Variants in ABTB2 observed in about 807,000 individuals in gnomAD.
ABTB2 encodes ankyrin repeat and BTB/POZ domain-containing protein 2.
ABTB2 carries 56 observed loss-of-function variants against 104.1 expected under a neutral mutation model. That is an observed-to-expected ratio of 0.54 (90% CI 0.43 to 0.67). ABTB2 has a LOEUF of 0.67. ABTB2 is among the 30% of genes least tolerant of loss of function. The probability of loss-of-function intolerance (pLI) is 0.00; values close to 1 mark genes in which losing one functional copy is unlikely to be tolerated. For missense variants in ABTB2, 1,279 were observed against 1,407.7 expected (o/e 0.91, Z 1.46); for synonymous variants, 606 against 608.2 (o/e 1.00, Z 0.05).
rs1199024990 is a variant in ABTB2, at chr11:34,204,704, A to G, written c.884-14T>C. On this transcript the variant is annotated splice_polypyrimidine_tract_variant and intron_variant, in intron 1 of 16. Coordinates refer to ENST00000435224, the MANE Select transcript of ABTB2 (RefSeq NM_145804.3). ...GGGAGAGGACACCTATGGGGAAAGA[A>G]GGCAGACAGGTCACACTTAGGAAGG... 6.2e-7 allele frequency: 1 copy of G among 1,608,414 alleles called. No individual in the cohort carries two copies. The highest frequency in any genetic ancestry group is 1.1e-5 in the South Asian group (1 of 89,996).
chr11:34,163,279 C>T (rs778203375), intron 9 of ABTB2, among the ~76,000 whole-genome samples: 59 of 152,294 alleles, frequency 3.9e-4, no homozygotes, highest in Admixed American at 3.2e-3. Context: ...GTCTAAAACA[C>T]AGGAAGAGCC....
At chr11:34,200,736 C>T (rs919734089) in intron 2 of ABTB2, among the ~76,000 whole-genome samples, 1 of 152,156 alleles carries the variant, frequency 6.6e-6, no homozygotes, top group Admixed American at 6.6e-5. Flanking sequence ...AGCAAGCTTG[C>T]AAGAGTTAAA....
At position 34,154,306 on chromosome 11, in the gene ABTB2, G is replaced by A. The variant is rs1852589553; in HGVS notation, c.2839C>T (p.Leu947Phe). The part of the protein sequence containing the change: ...RHCEILCSQT[L>F]SMESAVNTYK... ...GTGTTCACGGCACTCTCCATGCTGA[G>A]GGTCTGGGAGCACAGGATCTCGCAG... The change falls in exon 16 of 17, where the codon CTC (leucine) becomes TTC (phenylalanine). Residue 947 changes from leucine (L) to phenylalanine (F), a missense_variant. By Grantham distance (22) the Leu-to-Phe change is conservative. Coordinates refer to ENST00000435224, the MANE Select transcript of ABTB2 (RefSeq NM_145804.3). The surrounding 1 kb of genome is among the most constrained non-coding windows in gnomAD (Gnocchi z 4.9). 6.2e-7 allele frequency: 1 copy of A among 1,614,104 alleles called. No homozygotes were observed. The highest frequency in any genetic ancestry group is 8.5e-7 in the Non-Finnish European group (1 of 1,180,016).
intron 14 of ABTB2, among the ~76,000 whole-genome samples, chr11:34,156,411 T>C (rs1463117370): frequency 6.6e-6 from 1 of 151,966 alleles, no homozygotes; most frequent in Non-Finnish European, 1.5e-5. Context: ...GGACCACCTG[T>C]AGAAGGGCAG....
At chr11:34,181,245 C>T (rs1853021984) in intron 3 of ABTB2, among the ~76,000 whole-genome samples, 2 of 127,394 alleles carry the variant, frequency 1.6e-5, no homozygotes, top group South Asian at 4.7e-4. Flanking sequence ...GGAAAACAAA[C>T]AAACAAACAA....
chr11:34,232,142 T>C (rs1360392600), intron 1 of ABTB2, among the ~76,000 whole-genome samples: 4 of 152,166 alleles, frequency 2.6e-5, no homozygotes, highest in Non-Finnish European at 4.4e-5. Flanking sequence ...CTTGCGACTT[T>C]CATGTAAATC....
chr11:34,167,783 G>T, intron 6 of ABTB2, 120 bp downstream of exon 6: 2 of 1,053,850 alleles, frequency 1.9e-6, no homozygotes, highest in South Asian at 1.4e-5. Flanking sequence ...TTGTCTTTCC[G>T]GTCTTTTGAC....
chr11:34,162,694 G>A lies in ABTB2; in HGVS notation c.2100C>T (p.Gly700=), dbSNP rs760416642. The A allele has an allele frequency of 1.2e-6, 2 of 1,612,870 alleles. No individual in the cohort carries two copies. Among genetic ancestry groups the A allele is most frequent in the Middle Eastern group, 1.6e-4 (1 of 6,062 alleles). ...GVEESDASSQ[G]SGSEGPVRLS... ...GCCGCACGGGCCCCTCGCTGCCACT[G>A]CCCTGGCTCGACGCATCACTTTCCT... The change falls in exon 10 of 17, where the codon GGC becomes GGT. Residue 700 remains glycine, a synonymous_variant. Transcript: ENST00000435224.
chr11:34,272,733 C>CAAAAAAAAAAAAAA (rs1323130706), intron 1 of ABTB2, among the ~76,000 whole-genome samples: 2 of 127,648 alleles, frequency 1.6e-5, no homozygotes, highest in African/African-American at 6.0e-5. Context: ...AAAAAAAAAC[C>CAAAAAAAAAAAAAA]AACCAACCAT....
intron 1 of ABTB2, among the ~76,000 whole-genome samples, chr11:34,344,793 C>T (rs142787791): frequency 8.5e-5 from 13 of 152,312 alleles, no homozygotes; most frequent in African/African-American, 2.6e-4. Flanking sequence ...TCACTGTGCC[C>T]GGCCCAACCT....
chr11:34,157,313 G>T (rs1852642195), intron 14 of ABTB2, among the ~76,000 whole-genome samples: 1 of 152,214 alleles, frequency 6.6e-6, no homozygotes, highest in Admixed American at 6.5e-5. Context: ...AGAGGCCCAG[G>T]GGAAGGCATG....
At chr11:34,181,940 A>T (rs1258608307) in intron 3 of ABTB2, among the ~76,000 whole-genome samples, 2 of 152,208 alleles carry the variant, frequency 1.3e-5, no homozygotes, top group African/African-American at 2.4e-5. Context: ...ATGGGGTCAC[A>T]TCCCCCTGGA....
chr11:34,270,604 T>C (rs899940708), intron 1 of ABTB2, among the ~76,000 whole-genome samples: 5 of 152,202 alleles, frequency 3.3e-5, no homozygotes, highest in African/African-American at 1.2e-4. Flanking sequence ...CCTCCCAAAG[T>C]GCTGGGATTA....
intron 3 of ABTB2, among the ~76,000 whole-genome samples, chr11:34,194,280 CCAAA>C (rs1853219187): frequency 1.3e-5 from 2 of 152,296 alleles, no homozygotes; most frequent in Non-Finnish European, 1.5e-5. Context: ...CCACCAATCC[CCAAA>C]CAGACAGTCT....
intron 1 of ABTB2, among the ~76,000 whole-genome samples, chr11:34,251,591 A>C (rs1854058317): frequency 6.6e-6 from 1 of 152,238 alleles, no homozygotes; most frequent in African/African-American, 2.4e-5. Context: ...ATAAGAGAGT[A>C]CATGGAGGGT....
At chr11:34,153,030 G>GAGAC (rs951800033) in intron 16 of ABTB2, among the ~76,000 whole-genome samples, 36 of 152,076 alleles carry the variant, frequency 2.4e-4, no homozygotes, top group African/African-American at 8.2e-4. Flanking sequence ...TAGTTTGGGA[G>GAGAC]AGACAGACAG....
At chr11:34,333,877 T>C (rs1033399242) in intron 1 of ABTB2, among the ~76,000 whole-genome samples, 2 of 152,136 alleles carry the variant, frequency 1.3e-5, no homozygotes, top group Non-Finnish European at 1.5e-5. Flanking sequence ...CTTGTCTCCT[T>C]TACTCTGTCA....
At chr11:34,327,935 G>A (rs1413120386) in intron 1 of ABTB2, among the ~76,000 whole-genome samples, 1 of 152,120 alleles carries the variant, frequency 6.6e-6, no homozygotes, top group Non-Finnish European at 1.5e-5. Flanking sequence ...CCAACTCCTC[G>A]CTGGCTGTTT....
chr11:34,257,580 C>T (rs764143549), intron 1 of ABTB2, among the ~76,000 whole-genome samples: 3 of 152,086 alleles, frequency 2.0e-5, no homozygotes, highest in Admixed American at 6.6e-5. Context: ...GCAGCTAATA[C>T]GACTGAGGAG....
Sources: gnomAD v4.1 joint callset for allele counts (sites outside exome capture counted in the v4.1 genomes callset) on GRCh38, gnomAD v4.1.1 for gene constraint, Gnocchi (gnomAD v3.1) non-coding constraint, MANE v1.5 for transcripts, NCBI Gene and HGNC (gene_info 2026-07-23, HGNC 2026-07-21) for gene names.